CSPP1: variants seen among roughly 807,000 people sequenced by gnomAD.
CSPP1 encodes the protein centrosome and spindle pole-associated protein 1.
Under a neutral mutation model 164.4 loss-of-function variants are expected in CSPP1, and 126 were observed. The ratio of observed to expected loss-of-function variants is 0.77; its 90% CI spans 0.66 to 0.89. The LOEUF (loss-of-function observed/expected upper bound fraction) is 0.89. CSPP1 is among the 40% of genes least tolerant of loss of function. The pLI, the probability that CSPP1 is intolerant of heterozygous loss-of-function variation, is 0.00. For missense variants in CSPP1, 1,395 were observed against 1,449.8 expected (o/e 0.96, Z 0.61); for synonymous variants, 472 against 476.7 (o/e 0.99, Z 0.13).
At chr8:67,104,186 A>G (rs1814832549) in intron 8 of CSPP1, among the ~76,000 whole-genome samples, 1 of 151,340 alleles carries the variant, frequency 6.6e-6, no homozygotes, top group Admixed American at 6.6e-5. Context: ...CAATAAGATA[A>G]TTTGCTGTTT....
chr8:67,193,727 G>T, intron 30 of CSPP1, 125 bp downstream of exon 30: 1 of 722,020 alleles, frequency 1.4e-6, no homozygotes, highest in Non-Finnish European at 2.2e-6. Context: ...GAGTTGTATG[G>T]CCCAAGACAT....
intron 7 of CSPP1, among the ~76,000 whole-genome samples, chr8:67,099,690 T>C (rs1813616114): frequency 6.6e-6 from 1 of 152,154 alleles, no homozygotes; most frequent in South Asian, 2.1e-4. Context: ...GTTACAACAA[T>C]AAATTGTAAG....
intron 18 of CSPP1, among the ~76,000 whole-genome samples, chr8:67,153,121 G>C (rs1337777646): frequency 6.6e-6 from 1 of 152,136 alleles, no homozygotes; most frequent in African/African-American, 2.4e-5. Flanking sequence ...AGAATAGCTT[G>C]AACCTGGGAG....
chr8:67,083,553 A>G (rs1199055215), intron 3 of CSPP1: 2 of 125,104 alleles, frequency 1.6e-5, no homozygotes, highest in Admixed American at 1.5e-4. Flanking sequence ...AAAAAAATAT[A>G]TATATATATA....
chr8:67,159,912 CTT>C lies in CSPP1; in HGVS notation c.2538+777_2538+778del, dbSNP rs1356031224. 4.2e-3 allele frequency among the ~76,000 whole-genome samples: 254 copies of C among 61,044 alleles called. 7 individuals carry two copies. The highest frequency in any genetic ancestry group is 0.018 in the Middle Eastern group (2 of 112). The allele number at this position is 61,044 out of a possible 152,430, so 40.0% of individuals were successfully genotyped here. Reference sequence around the variant, plus strand: ...TCTTTCTTTCTTTCTTTCTTTCTTTCTTTCTTTCTTTCCTTTCCTTCCTTCCT... The same window carrying C: ...TCTTTCTTTCTTTCTTTCTTTCTTTCTCTTTCTTTCCTTTCCTTCCTTCCT... On this transcript the variant is annotated intron_variant, in intron 21 of 30. Coordinates refer to ENST00000678616, the MANE Select transcript of CSPP1 (RefSeq NM_001382391.1).
chr8:67,116,376 T>A (rs1347531342), intron 13 of CSPP1, among the ~76,000 whole-genome samples: 2 of 152,226 alleles, frequency 1.3e-5, no homozygotes, highest in Non-Finnish European at 2.9e-5. Context: ...TAGTATTTAT[T>A]TAGTTTTGGG....
Position 67,091,814 on chromosome 8 carries a change from A to G in CSPP1, c.315A>G (p.Leu105=), listed in dbSNP as rs1465004865. The G allele has an allele frequency of 3.8e-6, 5 of 1,323,058 alleles. No individual in the cohort carries two copies. Among genetic ancestry groups the G allele is most frequent in the Admixed American group, 2.1e-5 (1 of 47,242 alleles). 82.0% of individuals were successfully genotyped at this position (1,323,058 alleles called of 1,614,324 possible). Residue 105 remains leucine (L), a synonymous_variant, in exon 5 of 31, where the codon CTA becomes CTG. Coordinates refer to ENST00000678616, the MANE Select transcript of CSPP1 (RefSeq NM_001382391.1). The part of the protein sequence containing the change: ...YRRYLTQKNF[L]STSETDPSTL... ...GTGTATATATACAGAAAAATTTTCT[A>G]TCTACGAGTGAAACAGATCCATCTA...
At chr8:67,072,152 G>A (rs995717975) in intron 1 of CSPP1, among the ~76,000 whole-genome samples, 1 of 152,086 alleles carries the variant, frequency 6.6e-6, no homozygotes, top group Non-Finnish European at 1.5e-5. Context: ...AATTAGCCAG[G>A]TGTGGTGGCG....
At position 67,131,957 on chromosome 8, in the gene CSPP1, G is replaced by A. The variant is rs538426847; in HGVS notation, c.1704G>A (p.Thr568=). 6 of 1,607,286 alleles carry A rather than the reference G, an allele frequency of 3.7e-6. No homozygotes were observed. Among genetic ancestry groups the A allele is most frequent in the African/African-American group, 1.3e-5 (1 of 74,810 alleles). The change falls in exon 16 of 31, where the codon ACG becomes ACA. Residue 568 remains threonine, a synonymous_variant. Coordinates refer to ENST00000678616, the MANE Select transcript of CSPP1 (RefSeq NM_001382391.1). ...THQLAQPVVN[T]VGQNELKITS... is the part of the protein sequence containing the mutation. Reference sequence around the variant, plus strand: ...TATTGTGTATTTGATGTAGGAATACGGTTGGACAGAATGAACTGAAGATTA... The same window carrying A: ...TATTGTGTATTTGATGTAGGAATACAGTTGGACAGAATGAACTGAAGATTA...
intron 1 of CSPP1, among the ~76,000 whole-genome samples, chr8:67,071,877 C>T (rs951104999): frequency 2.0e-5 from 3 of 152,064 alleles, no homozygotes; most frequent in Non-Finnish European, 2.9e-5. Context: ...TTGACACTTA[C>T]AGATTTGCAA....
chr8:67,159,908 CT>C (rs1348290791), intron 21 of CSPP1, among the ~76,000 whole-genome samples: 7 of 66,138 alleles, frequency 1.1e-4, no homozygotes, highest in South Asian at 5.8e-4. Context: ...TTCTTTCTTT[CT>C]TTCTTTCTTT....
chr8:67,160,167 CCACCA>C (rs533671500), intron 21 of CSPP1, among the ~76,000 whole-genome samples: 410 of 150,022 alleles, frequency 2.7e-3, no homozygotes, highest in Non-Finnish European at 4.1e-3. Flanking sequence ...CAGGTGTGAG[CCACCA>C]CACCCTGCCT....
chr8:67,192,370 C>A (rs1196899681), intron 29 of CSPP1, among the ~76,000 whole-genome samples: 1 of 152,174 alleles, frequency 6.6e-6, no homozygotes, highest in Non-Finnish European at 1.5e-5. Flanking sequence ...CCACCGCGCC[C>A]AGCCCTTTGT....
At chr8:67,185,470 A>C (rs1366019226) in intron 28 of CSPP1, among the ~76,000 whole-genome samples, 1 of 152,266 alleles carries the variant, frequency 6.6e-6, no homozygotes, top group Non-Finnish European at 1.5e-5. Context: ...GTCCAATTAA[A>C]GTAACACTGG....
intron 1 of CSPP1, among the ~76,000 whole-genome samples, chr8:67,073,027 AG>A (rs1227830349): frequency 6.6e-6 from 1 of 152,220 alleles, no homozygotes; most frequent in African/African-American, 2.4e-5. Context: ...TAAAACACTC[AG>A]AGAGATAACC....
At chr8:67,139,350 C>G (rs1446245132) in intron 17 of CSPP1, among the ~76,000 whole-genome samples, 2 of 151,996 alleles carry the variant, frequency 1.3e-5, no homozygotes, top group African/African-American at 4.8e-5. Flanking sequence ...ACAACAGGTG[C>G]TGGAGAGGAT....
chr8:67,175,630 G>T, intron 26 of CSPP1, 194 bp downstream of exon 26: 1 of 705,956 alleles, frequency 1.4e-6, no homozygotes, highest in Non-Finnish European at 2.6e-6. Flanking sequence ...CCACTAGGGT[G>T]GTGTATTCAT....
At chr8:67,145,268 T>C (rs990479175) in intron 17 of CSPP1, among the ~76,000 whole-genome samples, 3 of 152,168 alleles carry the variant, frequency 2.0e-5, no homozygotes, top group Admixed American at 2.0e-4. Context: ...ATATTTCTTT[T>C]TTATTCTAAT....
chr8:67,144,397 G>A (rs1471242697), intron 17 of CSPP1, among the ~76,000 whole-genome samples: 1 of 152,106 alleles, frequency 6.6e-6, no homozygotes, highest in Non-Finnish European at 1.5e-5. Flanking sequence ...GTCTGGTTTT[G>A]GTGTCAGGGT....
Sources: allele counts gnomAD v4.1 joint callset (sites outside exome capture counted in the v4.1 genomes callset), GRCh38; gene constraint gnomAD v4.1.1; transcripts MANE v1.5; gene names NCBI Gene and HGNC (gene_info 2026-07-23, HGNC 2026-07-21).